NMNAT2: variants seen among roughly 807,000 people sequenced by gnomAD.
NMNAT2 encodes nicotinamide/nicotinic acid mononucleotide adenylyltransferase 2.
NMNAT2 carries 11 observed loss-of-function variants against 41.6 expected under a neutral mutation model. The observed-to-expected ratio is 0.26, with a 90% CI of 0.17 to 0.44. The LOEUF (loss-of-function observed/expected upper bound fraction) is 0.44, where lower values mean the gene tolerates loss of function less well. NMNAT2 is among the 20% of genes least tolerant of loss of function. NMNAT2 has a pLI of 1.00. For missense variants in NMNAT2, 288 were observed against 407.7 expected (o/e 0.71, Z 2.53); for synonymous variants, 148 against 151.2 (o/e 0.98, Z 0.16).
intron 1 of NMNAT2, among the ~76,000 whole-genome samples, chr1:183,409,475 C>T (rs1458526298): frequency 6.6e-6 from 1 of 152,080 alleles, no homozygotes; most frequent in Non-Finnish European, 1.5e-5. Flanking sequence ...CACCACCACA[C>T]CTGGCTAATT....
chr1:183,283,622 A>G, intron 7 of NMNAT2: 1 of 339,318 alleles, frequency 2.9e-6, no homozygotes, highest in South Asian at 2.4e-5. Flanking sequence ...ATCTACAAGC[A>G]CTGAATGAGG....
chr1:183,248,788 G>A lies in NMNAT2; in HGVS notation c.*3853C>T, dbSNP rs1660292565. 2.0e-5 allele frequency: 3 copies of A among 152,108 alleles called. No homozygotes were observed. Among genetic ancestry groups the A allele is most frequent in the Non-Finnish European group, 2.9e-5 (2 of 68,030 alleles). The allele number at this position is 152,108 out of a possible 1,614,324, so 9.4% of individuals were successfully genotyped here. A position where few individuals can be genotyped will look rare whatever the true frequency, so the allele number is the denominator to read the frequency against. On this transcript the variant is annotated 3_prime_UTR_variant, in exon 11 of 11. Transcript: ENST00000287713. ...TGGCCCTCCTGCAGTAGGTAGCCTT[G>A]GGAGAGATCCTGAGCTTTTCATATT...
intron 1 of NMNAT2, among the ~76,000 whole-genome samples, chr1:183,299,384 AT>A (rs1329862545): frequency 6.6e-6 from 1 of 152,194 alleles, no homozygotes; most frequent in Non-Finnish European, 1.5e-5. Context: ...TCAAAAAAAA[AT>A]AAAAAAATAA....
At chr1:183,418,056 A>G in intron 1 of NMNAT2, 127 bp downstream of exon 1, 2 of 839,686 alleles carry the variant, frequency 2.4e-6, no homozygotes, top group Middle Eastern at 3.5e-4. Context: ...GACCTCCACC[A>G]GCTGGATGAG....
intron 7 of NMNAT2, 46 bp from the exon 8 acceptor site, chr1:183,278,675 G>C (rs201225236): frequency 7.2e-7 from 1 of 1,388,344 alleles, no homozygotes; most frequent in East Asian, 2.3e-5. Flanking sequence ...GTGGTGGCCC[G>C]GGAAGCATTT....
At chr1:183,288,127 C>T (rs1241715696) in intron 4 of NMNAT2, among the ~76,000 whole-genome samples, 2 of 152,218 alleles carry the variant, frequency 1.3e-5, no homozygotes, top group African/African-American at 4.8e-5. Flanking sequence ...CCTGATTGGC[C>T]TGGTAGCTGA....
chr1:183,332,239 T>G (rs938113401), intron 1 of NMNAT2, among the ~76,000 whole-genome samples: 1 of 152,196 alleles, frequency 6.6e-6, no homozygotes, highest in African/African-American at 2.4e-5. Context: ...GGGCCTTTTC[T>G]AGAATTTTCT....
At chr1:183,260,234 C>T (rs1460588987) in intron 10 of NMNAT2, among the ~76,000 whole-genome samples, 3 of 152,164 alleles carry the variant, frequency 2.0e-5, no homozygotes, top group East Asian at 1.9e-4. Flanking sequence ...TTCACTTTGC[C>T]TTTTTCCACT....
At position 183,292,798 on chromosome 1, in the gene NMNAT2, A is replaced by G. The variant is rs202167780; in HGVS notation, c.234T>C (p.Asp78=). The change falls in exon 3 of 11, where the codon GAT becomes GAC. Residue 78 remains aspartate, a synonymous_variant. Coordinates refer to ENST00000287713, the MANE Select transcript of NMNAT2 (RefSeq NM_015039.4). ...CTTCAGGCCAGTCCTACCTGATCCA[A>G]TCAGAATTCTGGACGGCCAGCTGAC... is the stretch of plus-strand genomic sequence containing the variant. The part of the protein sequence containing the change: ...IMCQLAVQNS[D]WIRVDPWECY... 8 of 1,613,768 alleles carry G rather than the reference A, an allele frequency of 5.0e-6. No homozygotes were observed. Among genetic ancestry groups the G allele is most frequent in the South Asian group, 2.2e-5 (2 of 91,016 alleles).
Position 183,259,606 on chromosome 1 carries a change from T to TG in NMNAT2, c.821+1395_821+1396insC, listed in dbSNP as rs1553268943. 8.8e-4 allele frequency among the ~76,000 whole-genome samples: 133 copies of TG among 151,726 alleles called. 1 individual carries two copies. Among genetic ancestry groups the TG allele is most frequent in the Admixed American group, 1.8e-3 (28 of 15,224 alleles). On this transcript the variant is annotated intron_variant, in intron 10 of 10. Transcript: ENST00000287713. ...GAGCTTGTCCACACCTATAATTTTT[T>TG]TGTGTGTGTGTGTGATGGGGTCTCA...
At chr1:183,349,609 G>C (rs1207121367) in intron 1 of NMNAT2, among the ~76,000 whole-genome samples, 2 of 152,238 alleles carry the variant, frequency 1.3e-5, no homozygotes, top group African/African-American at 4.8e-5. Flanking sequence ...TTTGTGTCTA[G>C]TGCTGAGTGT....
chr1:183,254,959 C>T (rs1300060548), intron 10 of NMNAT2, among the ~76,000 whole-genome samples: 1 of 152,090 alleles, frequency 6.6e-6, no homozygotes, highest in Non-Finnish European at 1.5e-5. Flanking sequence ...GTAGCCTGTG[C>T]TTTCAGTGTG....
intron 1 of NMNAT2, among the ~76,000 whole-genome samples, chr1:183,351,902 G>T (rs537495527): frequency 6.6e-6 from 1 of 152,292 alleles, no homozygotes; most frequent in South Asian, 2.1e-4. Flanking sequence ...GGTGACCAGG[G>T]TGTGATTTGT....
At chr1:183,284,886 C>G in intron 5 of NMNAT2, 96 bp from the exon 6 acceptor site, 1 of 967,504 alleles carries the variant, frequency 1.0e-6, no homozygotes, top group Non-Finnish European at 1.7e-6. Flanking sequence ...CTGTAAACAT[C>G]AGGGTGCATG....
intron 1 of NMNAT2, among the ~76,000 whole-genome samples, chr1:183,353,006 T>G (rs1326976330): frequency 1.3e-5 from 2 of 152,268 alleles, no homozygotes; most frequent in East Asian, 3.9e-4. Context: ...TTTTTCTGAA[T>G]ACATTCTCTT....
Position 183,323,676 on chromosome 1 carries a change from G to T in NMNAT2, c.86-29883C>A, listed in dbSNP as rs533445817. Among the ~76,000 whole-genome samples the T allele has an allele frequency of 5.3e-5, 8 of 152,286 alleles. No homozygotes were observed. In the South Asian group the frequency reaches 1.7e-3, roughly 32 times the overall value. ...CAGCAAGAGATGCTCCATTAGTATG[G>T]GTGAGCTGATTTAGGCAGGATGTGG... is the stretch of plus-strand genomic sequence containing the variant. On this transcript the variant is annotated intron_variant, in intron 1 of 10. Transcript: ENST00000287713.
chr1:183,267,535 G>T (rs1380238632), intron 8 of NMNAT2, among the ~76,000 whole-genome samples: 1 of 152,138 alleles, frequency 6.6e-6, no homozygotes, highest in East Asian at 1.9e-4. Context: ...GTCAAAATGA[G>T]ATACTTGTGG....
At chr1:183,370,013 G>C (rs1323273695) in intron 1 of NMNAT2, among the ~76,000 whole-genome samples, 1 of 152,026 alleles carries the variant, frequency 6.6e-6, no homozygotes, top group East Asian at 1.9e-4. Flanking sequence ...TCATGCTAAA[G>C]AGAACAGAGG....
chr1:183,257,222 C>G (rs1660539537), intron 10 of NMNAT2, among the ~76,000 whole-genome samples: 1 of 151,968 alleles, frequency 6.6e-6, no homozygotes, highest in Admixed American at 6.5e-5. Flanking sequence ...GTGGGTGGAT[C>G]ACAAGCTCAG....
Sources: allele counts gnomAD v4.1 joint callset (sites outside exome capture counted in the v4.1 genomes callset), GRCh38; gene constraint gnomAD v4.1.1; transcripts MANE v1.5; gene names NCBI Gene and HGNC (gene_info 2026-07-23, HGNC 2026-07-21).